Variants in KCNQ3 observed in about 807,000 individuals in gnomAD.
The protein encoded by KCNQ3 is potassium voltage-gated channel subfamily KQT member 3.
A neutral mutation model predicts 92.5 loss-of-function variants in KCNQ3; 30 were observed. The ratio of observed to expected loss-of-function variants is 0.32; its 90% CI spans 0.24 to 0.44. The LOEUF (loss-of-function observed/expected upper bound fraction) is 0.44. Ranked by LOEUF, KCNQ3 falls within the 20% of genes least tolerant of loss-of-function variation. KCNQ3 has a pLI of 1.00. For missense variants in KCNQ3, 913 were observed against 1,140.3 expected, an observed-to-expected ratio of 0.80 and a Z score of 2.87; for synonymous variants, 450 against 468.8, an observed-to-expected ratio of 0.96 and a Z score of 0.52.
intron 1 of KCNQ3, among the ~76,000 whole-genome samples, chr8:132,199,232 T>C (rs1827388231): frequency 6.6e-6 from 1 of 152,170 alleles, no homozygotes; most frequent in African/African-American, 2.4e-5. Context: ...ATTAAAAACT[T>C]CAACCAATCC....
At chr8:132,321,810 T>C (rs1458716099) in intron 1 of KCNQ3, among the ~76,000 whole-genome samples, 10 of 152,154 alleles carry the variant, frequency 6.6e-5, no homozygotes, top group African/African-American at 2.2e-4. Flanking sequence ...TCTACACCAG[T>C]GCACCTGGTG....
chr8:132,297,728 T>G (rs1156381953), intron 1 of KCNQ3, among the ~76,000 whole-genome samples: 1 of 35,070 alleles, frequency 2.9e-5, no homozygotes, highest in Non-Finnish European at 8.2e-5. Flanking sequence ...CCACTGTGGA[T>G]CTGAGCAGGG....
At chr8:132,396,451 G>A (rs1820196852) in intron 1 of KCNQ3, among the ~76,000 whole-genome samples, 1 of 149,514 alleles carries the variant, frequency 6.7e-6, no homozygotes, top group Admixed American at 6.7e-5. Flanking sequence ...CCCAGAGCCT[G>A]ACACAGCAGT....
intron 1 of KCNQ3, among the ~76,000 whole-genome samples, chr8:132,276,086 T>C (rs1276821163): frequency 2.0e-5 from 3 of 152,232 alleles, no homozygotes; most frequent in African/African-American, 4.8e-5. Flanking sequence ...CAGTGACTGA[T>C]GGGGACCACA....
chr8:132,431,736 C>T (rs1005622461), intron 1 of KCNQ3, among the ~76,000 whole-genome samples: 6 of 152,200 alleles, frequency 3.9e-5, no homozygotes, highest in African/African-American at 1.4e-4. Flanking sequence ...ACTGTCATGG[C>T]CTTATTGAAA....
intron 1 of KCNQ3, among the ~76,000 whole-genome samples, chr8:132,221,536 T>C (rs1814237658): frequency 1.3e-5 from 2 of 152,228 alleles, no homozygotes; most frequent in African/African-American, 4.8e-5. Flanking sequence ...TATCTCATTG[T>C]GGTTTTGATT....
chr8:132,152,773 C>G (rs1825680866), intron 9 of KCNQ3, among the ~76,000 whole-genome samples: 1 of 152,182 alleles, frequency 6.6e-6, no homozygotes, highest in Admixed American at 6.5e-5. Context: ...TCACCCAACT[C>G]ACAAGTATTT....
At chr8:132,186,771 G>C (rs143834189) in intron 1 of KCNQ3, among the ~76,000 whole-genome samples, 1 of 152,092 alleles carries the variant, frequency 6.6e-6, no homozygotes, top group Non-Finnish European at 1.5e-5. Context: ...GAAAGAAGAG[G>C]AACTACCACA....
At chr8:132,304,288 C>G (rs1342086341) in intron 1 of KCNQ3, among the ~76,000 whole-genome samples, 1 of 152,044 alleles carries the variant, frequency 6.6e-6, no homozygotes, top group South Asian at 2.1e-4. Flanking sequence ...CTTGTACCCC[C>G]TAAATCTACA....
Position 132,312,830 on chromosome 8 carries a change from T to C in KCNQ3, c.387-126649A>G, listed in dbSNP as rs979775351. On this transcript the variant is annotated intron_variant, in intron 1 of 14. Coordinates refer to ENST00000388996, the MANE Select transcript of KCNQ3 (RefSeq NM_004519.4). ...AAGTTTCCTGAGGTCTCTCCAGCCA[T>C]GTGGAACTGTGAGTCAATTAAACTT... 5.3e-5 allele frequency among the ~76,000 whole-genome samples: 8 copies of C among 152,334 alleles called. No homozygotes were observed. In the South Asian group the frequency reaches 1.4e-3, roughly 28 times the overall value.
chr8:132,190,759 AAGCCACTAAGTTAG>A (rs1416695356), intron 1 of KCNQ3, among the ~76,000 whole-genome samples: 1 of 152,220 alleles, frequency 6.6e-6, no homozygotes, highest in Non-Finnish European at 1.5e-5. Flanking sequence ...TGTATGTTGT[AAGCCACTAAGTTAG>A]AGGCAATTTG....
In KCNQ3 at chr8:132,127,159, G is replaced by A. The variant is rs1043212060; in HGVS notation, c.*2103C>T. ...GCCATATTGAAGGAGTGGGGAAAAGGCCCAAATAACCCATGCCCTTTGTCC... is the reference window on the plus strand; with the variant it reads ...GCCATATTGAAGGAGTGGGGAAAAGACCCAAATAACCCATGCCCTTTGTCC... On this transcript the variant is annotated 3_prime_UTR_variant, in exon 15 of 15. Coordinates refer to ENST00000388996, the MANE Select transcript of KCNQ3 (RefSeq NM_004519.4). 1 of 152,158 alleles carries A rather than the reference G, an allele frequency of 6.6e-6. No homozygotes were observed. The highest frequency in any genetic ancestry group is 1.5e-5 in the Non-Finnish European group (1 of 68,030). The allele number at this position is 152,158 out of a possible 1,614,324, so 9.4% of individuals were successfully genotyped here.
intron 1 of KCNQ3, among the ~76,000 whole-genome samples, chr8:132,350,650 C>A (rs1235726945): frequency 6.6e-6 from 1 of 152,188 alleles, no homozygotes; most frequent in Non-Finnish European, 1.5e-5. Context: ...CATTTTCCAT[C>A]TCCTTTTCCT....
chr8:132,142,664 C>T (rs1056211299), intron 9 of KCNQ3, among the ~76,000 whole-genome samples: 2 of 152,224 alleles, frequency 1.3e-5, no homozygotes, highest in Admixed American at 6.5e-5. Flanking sequence ...GAGGCATTCC[C>T]TCATGTACTT....
intron 13 of KCNQ3, 44 bp downstream of exon 13, chr8:132,134,246 A>C (rs1824988108): frequency 6.7e-7 from 1 of 1,482,408 alleles, no homozygotes; most frequent in Non-Finnish European, 9.4e-7. Context: ...ATGCTTTACA[A>C]ACTTTGCACC....
intron 1 of KCNQ3, among the ~76,000 whole-genome samples, chr8:132,229,034 T>C (rs961936561): frequency 6.6e-6 from 1 of 152,096 alleles, no homozygotes; most frequent in African/African-American, 2.4e-5. Context: ...GGCAGATGGA[T>C]CACGAGGTCA....
chr8:132,265,087 C>T (rs1815937710), intron 1 of KCNQ3, among the ~76,000 whole-genome samples: 1 of 104,080 alleles, frequency 9.6e-6, no homozygotes. Context: ...GCTAAAAGGA[C>T]TGCTAAAAAG....
chr8:132,318,351 T>C (rs1817799937), intron 1 of KCNQ3, among the ~76,000 whole-genome samples: 1 of 152,194 alleles, frequency 6.6e-6, no homozygotes, highest in Non-Finnish European at 1.5e-5. Context: ...CTCAAAGATG[T>C]CTAGGGCCCT....
intron 1 of KCNQ3, among the ~76,000 whole-genome samples, chr8:132,380,655 T>C (rs573302777): frequency 3.4e-4 from 52 of 152,132 alleles, no homozygotes; most frequent in Non-Finnish European, 5.3e-4. Context: ...CAGACTTACC[T>C]TCTGTTTTTT....
Sources: allele counts gnomAD v4.1 joint callset (sites outside exome capture counted in the v4.1 genomes callset), GRCh38; gene constraint gnomAD v4.1.1; transcripts MANE v1.5; gene names NCBI Gene and HGNC (gene_info 2026-07-23, HGNC 2026-07-21).